Variants in KSR2 observed in about 807,000 individuals in gnomAD.
KSR2 encodes kinase suppressor of ras 2.
In KSR2, 25 loss-of-function variants were observed where a neutral mutation model predicts 107.8. The observed-to-expected ratio is 0.23, with a 90% CI of 0.17 to 0.32. KSR2 has a LOEUF of 0.32. Ranked by LOEUF, KSR2 falls within the 10% of genes least tolerant of loss-of-function variation. KSR2 has a pLI of 1.00. For synonymous variants in KSR2, 480 were observed against 507.0 expected, an observed-to-expected ratio of 0.95 and a Z score of 0.71; for missense variants, 887 against 1,268.9, an observed-to-expected ratio of 0.70 and a Z score of 4.57.
At chr12:117,681,464 C>T (rs187668131) in intron 4 of KSR2, among the ~76,000 whole-genome samples, 6 of 152,144 alleles carry the variant, frequency 3.9e-5, no homozygotes, top group Admixed American at 6.5e-5. Flanking sequence ...GGGAATGTCG[C>T]GGAGTCCACA....
intron 5 of KSR2, among the ~76,000 whole-genome samples, chr12:117,647,152 AAG>A (rs1326420469): frequency 6.6e-6 from 1 of 152,128 alleles, no homozygotes; most frequent in Non-Finnish European, 1.5e-5. Context: ...GTGACGGAGG[AAG>A]AGAGTAAAGA....
intron 3 of KSR2, among the ~76,000 whole-genome samples, chr12:117,766,836 T>C (rs1366333989): frequency 7.7e-6 from 1 of 129,884 alleles, no homozygotes; most frequent in South Asian, 2.4e-4. Flanking sequence ...CGTGGGAGTT[T>C]GGAGAACTGC....
At chr12:117,593,145 C>T (rs1406263671) in intron 5 of KSR2, among the ~76,000 whole-genome samples, 1 of 152,086 alleles carries the variant, frequency 6.6e-6, no homozygotes, top group Admixed American at 6.6e-5. Flanking sequence ...CCATCTCAAC[C>T]CACATAGATA....
intron 9 of KSR2, among the ~76,000 whole-genome samples, chr12:117,544,173 G>C (rs1876692695): frequency 6.6e-6 from 1 of 152,128 alleles, no homozygotes; most frequent in South Asian, 2.1e-4. Context: ...TTTGATCTTT[G>C]TTTCCTTTCA....
At chr12:117,506,904 C>T (rs2137188845) in intron 14 of KSR2, among the ~76,000 whole-genome samples, 1 of 152,106 alleles carries the variant, frequency 6.6e-6, no homozygotes, top group East Asian at 1.9e-4. Flanking sequence ...AAAGATCCAA[C>T]CCAGATTCAC....
At chr12:117,536,564 T>C (rs1876067631) in intron 10 of KSR2, among the ~76,000 whole-genome samples, 1 of 152,196 alleles carries the variant, frequency 6.6e-6, no homozygotes, top group South Asian at 2.1e-4. Flanking sequence ...CCAACACATA[T>C]ATGCACACTG....
chr12:117,799,779 G>A (rs941454166), intron 3 of KSR2, among the ~76,000 whole-genome samples: 3 of 152,108 alleles, frequency 2.0e-5, no homozygotes, highest in African/African-American at 7.2e-5. Context: ...TGAGCATAAT[G>A]GATGCAAACC....
intron 1 of KSR2, among the ~76,000 whole-genome samples, chr12:117,965,376 T>G (rs888325687): frequency 6.6e-6 from 1 of 152,182 alleles, no homozygotes; most frequent in Non-Finnish European, 1.5e-5. Context: ...TAGGATTGGG[T>G]TTTCCATTTC....
chr12:117,939,279 G>A (rs1895935900), intron 1 of KSR2, among the ~76,000 whole-genome samples: 1 of 152,220 alleles, frequency 6.6e-6, no homozygotes, highest in Non-Finnish European at 1.5e-5. Context: ...AAGATGAAAT[G>A]CAATAATGGT....
chr12:117,829,715 A>G (rs184750962), intron 3 of KSR2, among the ~76,000 whole-genome samples: 1 of 152,230 alleles, frequency 6.6e-6, no homozygotes, highest in Non-Finnish European at 1.5e-5. Context: ...GTTGCAACTA[A>G]TCAATTCAAC....
At chr12:117,569,994 T>C (rs1878771824) in intron 7 of KSR2, among the ~76,000 whole-genome samples, 1 of 151,310 alleles carries the variant, frequency 6.6e-6, no homozygotes, top group Non-Finnish European at 1.5e-5. Flanking sequence ...CATTTGGCAA[T>C]GTCTGCAGAC....
chr12:117,940,138 G>A (rs911610963), intron 1 of KSR2, among the ~76,000 whole-genome samples: 2 of 152,122 alleles, frequency 1.3e-5, no homozygotes, highest in Non-Finnish European at 1.5e-5. Flanking sequence ...GTCAATACTG[G>A]ATGTCCTTCA....
intron 14 of KSR2, among the ~76,000 whole-genome samples, chr12:117,489,151 T>A (rs1310261027): frequency 6.7e-6 from 1 of 149,318 alleles, no homozygotes; most frequent in African/African-American, 2.5e-5. Context: ...ATGGCCCTTG[T>A]GTGTGTGTGT....
At chr12:117,732,818 G>C (rs988156145) in intron 4 of KSR2, among the ~76,000 whole-genome samples, 3 of 152,166 alleles carry the variant, frequency 2.0e-5, no homozygotes, top group Non-Finnish European at 1.5e-5. Context: ...GACCACAAGC[G>C]TTTTAAATTA....
chr12:117,783,854 C>CT (rs1241539586), intron 3 of KSR2, among the ~76,000 whole-genome samples: 1 of 151,988 alleles, frequency 6.6e-6, no homozygotes, highest in Non-Finnish European at 1.5e-5. Flanking sequence ...GTGTGTGTGT[C>CT]TTTTTTCTAT....
chr12:117,563,358 C>T (rs1323650102), intron 7 of KSR2, among the ~76,000 whole-genome samples: 2 of 152,008 alleles, frequency 1.3e-5, no homozygotes, highest in Non-Finnish European at 2.9e-5. Flanking sequence ...TGTTCTCCTC[C>T]GAAAGGAAAA....
At chr12:117,829,490 C>T (rs921621779) in intron 3 of KSR2, among the ~76,000 whole-genome samples, 2 of 152,230 alleles carry the variant, frequency 1.3e-5, no homozygotes, top group Non-Finnish European at 2.9e-5. Flanking sequence ...CTCTAAATCT[C>T]TTGTACCTAA....
intron 4 of KSR2, among the ~76,000 whole-genome samples, chr12:117,760,642 T>C (rs4767611): frequency 0.16 from 24,999 of 152,192 alleles, 2,141 homozygotes; most frequent in Middle Eastern, 0.19. Flanking sequence ...AAAAGCCAGA[T>C]GGTAAATACT....
intron 1 of KSR2, among the ~76,000 whole-genome samples, chr12:117,941,958 T>C (rs1027151716): frequency 1.8e-4 from 28 of 152,094 alleles, no homozygotes; most frequent in African/African-American, 6.0e-4. Context: ...TTTTAAACTC[T>C]GAGAAGGTTA....
Sources: allele counts gnomAD v4.1 joint callset (sites outside exome capture counted in the v4.1 genomes callset), GRCh38; gene constraint gnomAD v4.1.1; transcripts MANE v1.5; gene names NCBI Gene and HGNC (gene_info 2026-07-23, HGNC 2026-07-21).